Variants in NUAK1 observed in about 807,000 individuals in gnomAD.
The protein encoded by NUAK1 is NUAK family SNF1-like kinase 1.
A neutral mutation model predicts 56.9 loss-of-function variants in NUAK1; 26 were observed. That is an observed-to-expected ratio of 0.46 (90% CI 0.33 to 0.63). The LOEUF (loss-of-function observed/expected upper bound fraction) is 0.63, where lower values mean the gene tolerates loss of function less well. NUAK1 is among the 30% of genes least tolerant of loss of function. The pLI is 0.02. For missense variants in NUAK1, 727 were observed against 876.1 expected (o/e 0.83, Z 2.15); for synonymous variants, 337 against 336.0 (o/e 1.00, Z -0.03).
At chr12:106,074,731 G>A (rs2032442952) in intron 4 of NUAK1, among the ~76,000 whole-genome samples, 1 of 152,176 alleles carries the variant, frequency 6.6e-6, no homozygotes, top group African/African-American at 2.4e-5. Flanking sequence ...CCGAGGCTCT[G>A]TGGTGGTCAC....
At chr12:106,112,616 C>G (rs139615823) in intron 1 of NUAK1, among the ~76,000 whole-genome samples, 94 of 152,346 alleles carry the variant, frequency 6.2e-4, no homozygotes, top group African/African-American at 2.2e-3. Flanking sequence ...CAGCAAGTTG[C>G]TGTGATGCAA....
chr12:106,123,291 G>A (rs1211015233), intron 1 of NUAK1, among the ~76,000 whole-genome samples: 1 of 152,180 alleles, frequency 6.6e-6, no homozygotes, highest in Non-Finnish European at 1.5e-5. Context: ...TCAACCTAGT[G>A]TCTAGAGCAG....
chr12:106,098,672 C>T (rs1317827550), intron 2 of NUAK1, among the ~76,000 whole-genome samples: 1 of 152,120 alleles, frequency 6.6e-6, no homozygotes, highest in Non-Finnish European at 1.5e-5. Flanking sequence ...GAATCTCCCC[C>T]ACCCCTCCAC....
intron 1 of NUAK1, among the ~76,000 whole-genome samples, chr12:106,123,064 G>A (rs2032993756): frequency 6.6e-6 from 1 of 152,204 alleles, no homozygotes; most frequent in African/African-American, 2.4e-5. Context: ...CTCACTATGT[G>A]TTAGGCTCAT....
At chr12:106,122,369 G>A (rs1215600) in intron 1 of NUAK1, among the ~76,000 whole-genome samples, 57,106 of 152,054 alleles carry the variant, frequency 0.38, 12,989 homozygotes, top group South Asian at 0.48. Flanking sequence ...TGTAAACATG[G>A]GCAAGTGACT....
chr12:106,135,077 C>T (rs999290046), intron 1 of NUAK1, among the ~76,000 whole-genome samples: 3 of 152,140 alleles, frequency 2.0e-5, no homozygotes, highest in Non-Finnish European at 2.9e-5. Flanking sequence ...TTATATAGAT[C>T]ACTGTATTCA....
intron 4 of NUAK1, among the ~76,000 whole-genome samples, chr12:106,073,340 T>C (rs2032425551): frequency 1.3e-5 from 2 of 152,184 alleles, no homozygotes; most frequent in South Asian, 4.1e-4. Context: ...CTGTATCCAC[T>C]CACACCCTGA....
At chr12:106,102,220 G>A (rs549939166) in intron 2 of NUAK1, among the ~76,000 whole-genome samples, 1 of 152,290 alleles carries the variant, frequency 6.6e-6, no homozygotes, top group East Asian at 1.9e-4. Context: ...TGGAGGCACT[G>A]GATTCTCGTT....
Position 106,113,183 on chromosome 12 carries a change from C to T in NUAK1, c.241-6658G>A, listed in dbSNP as rs1284305956. Among the ~76,000 whole-genome samples the T allele has an allele frequency of 3.3e-5, 5 of 152,090 alleles. No individual in the cohort carries two copies. The East Asian group carries it at 9.7e-4, about 29-fold the overall frequency. ...AAGAATGTCATTGCAAGTGGTGATG[C>T]CACAAGGGAAGTGGAATTAATGACT... On this transcript the variant is annotated intron_variant, in intron 1 of 6. Coordinates refer to ENST00000261402, the MANE Select transcript of NUAK1 (RefSeq NM_014840.3).
In NUAK1 at chr12:106,086,899, AC is replaced by A; in HGVS notation, c.362-15del. 3 of 1,605,610 alleles carry A rather than the reference AC, an allele frequency of 1.9e-6. No homozygotes were observed. Among genetic ancestry groups the A allele is most frequent in the Non-Finnish European group, 2.6e-6 (3 of 1,173,046 alleles). ...TGTTCTCAAACACTGCAGAGGGAAAACAGCAATACACAAACACCCCGTTTAG... is the reference window on the plus strand; with the variant it reads ...TGTTCTCAAACACTGCAGAGGGAAAAAGCAATACACAAACACCCCGTTTAG... On this transcript the variant is annotated splice_polypyrimidine_tract_variant and intron_variant, in intron 2 of 6. Coordinates refer to ENST00000261402, the MANE Select transcript of NUAK1 (RefSeq NM_014840.3).
At chr12:106,124,640 A>G (rs1272363968) in intron 1 of NUAK1, among the ~76,000 whole-genome samples, 2 of 152,222 alleles carry the variant, frequency 1.3e-5, no homozygotes, top group East Asian at 3.8e-4. Flanking sequence ...AAGGGAGCAG[A>G]AACGTCATCT....
At chr12:106,114,199 T>C (rs1349472534) in intron 1 of NUAK1, among the ~76,000 whole-genome samples, 2 of 152,218 alleles carry the variant, frequency 1.3e-5, no homozygotes, top group Admixed American at 1.3e-4. Context: ...ACTCTGACAC[T>C]GTTTATAACA....
chr12:106,085,918 G>C (rs1414885433), intron 3 of NUAK1, among the ~76,000 whole-genome samples: 3 of 151,976 alleles, frequency 2.0e-5, no homozygotes, highest in Admixed American at 2.0e-4. Context: ...TGTTGCCCTG[G>C]CTGGTCTTGA....
At chr12:106,091,757 C>T (rs1479985597) in intron 2 of NUAK1, among the ~76,000 whole-genome samples, 1 of 152,142 alleles carries the variant, frequency 6.6e-6, no homozygotes, top group Non-Finnish European at 1.5e-5. Flanking sequence ...CAGGAGACTT[C>T]CCAGACAGGG....
intron 2 of NUAK1, among the ~76,000 whole-genome samples, chr12:106,103,012 C>T (rs1334164241): frequency 6.6e-6 from 1 of 152,242 alleles, no homozygotes; most frequent in African/African-American, 2.4e-5. Flanking sequence ...GCCTTGAGGG[C>T]TTCTCTTCTC....
intron 2 of NUAK1, among the ~76,000 whole-genome samples, chr12:106,088,253 A>T (rs1258027605): frequency 1.3e-5 from 2 of 152,176 alleles, no homozygotes; most frequent in African/African-American, 4.8e-5. Flanking sequence ...CATCACTCTT[A>T]AGGGATATAG....
chr12:106,127,085 C>A (rs994232798), intron 1 of NUAK1, among the ~76,000 whole-genome samples: 3 of 152,338 alleles, frequency 2.0e-5, no homozygotes, highest in Admixed American at 6.5e-5. Context: ...GTCCTTGTGA[C>A]AACCTAGGAG....
intron 1 of NUAK1, among the ~76,000 whole-genome samples, chr12:106,117,107 G>T (rs1444239576): frequency 6.6e-6 from 1 of 152,052 alleles, no homozygotes; most frequent in African/African-American, 2.4e-5. Context: ...CTTTTGGGAG[G>T]AACACCCTGA....
At chr12:106,097,511 C>T (rs796911258) in intron 2 of NUAK1, among the ~76,000 whole-genome samples, 20 of 152,302 alleles carry the variant, frequency 1.3e-4, no homozygotes, top group African/African-American at 4.3e-4. Flanking sequence ...TTCAGCCATT[C>T]CCTGCCTTCA....
Sources: allele counts gnomAD v4.1 joint callset (sites outside exome capture counted in the v4.1 genomes callset), GRCh38; gene constraint gnomAD v4.1.1; transcripts MANE v1.5; gene names NCBI Gene and HGNC (gene_info 2026-07-23, HGNC 2026-07-21).